ATP5F1B: variants seen among roughly 807,000 people sequenced by gnomAD.
ATP5F1B encodes the protein ATP synthase F(1) complex subunit beta, mitochondrial.
ATP5F1B carries 17 observed loss-of-function variants against 45.9 expected under a neutral mutation model. The ratio of observed to expected loss-of-function variants is 0.37; its 90% confidence interval spans 0.25 to 0.56. The LOEUF is 0.56. ATP5F1B is among the 20% of genes least tolerant of loss of function. The pLI, the probability that ATP5F1B is intolerant of heterozygous loss-of-function variation, is 0.80. For missense variants in ATP5F1B, 387 were observed against 673.2 expected (o/e 0.57, Z 4.70); for synonymous variants, 218 against 256.5 (o/e 0.85, Z 1.43).
intron 3 of ATP5F1B, 65 bp from the exon 4 acceptor site, chr12:56,644,023 ATCCC>A: frequency 1.9e-6 from 3 of 1,559,146 alleles, no homozygotes; most frequent in African/African-American, 1.4e-5. Context: ...AATCTTATAT[ATCCC>A]TCCCTATCAA....
chr12:56,644,925 T>C lies in ATP5F1B; in HGVS notation c.341A>G (p.Asp114Gly). 6.2e-7 allele frequency: 1 copy of C among 1,614,158 alleles called. No homozygotes were observed. Among genetic ancestry groups the C allele is most frequent in the Non-Finnish European group, 8.5e-7 (1 of 1,180,034 alleles). Residue 114 changes from aspartate (D) to glycine (G), a missense_variant, in exon 3 of 10, where the codon GAT becomes GGT. Physicochemically the swap from Asp to Gly is moderately conservative, Grantham distance 94 (BLOSUM62 -1). This residue lies in a region of ATP5F1B where 113 missense variants were observed against 168.0 expected (regional missense o/e 0.67). Coordinates refer to ENST00000262030, the MANE Select transcript of ATP5F1B (RefSeq NM_001686.4). ...GESTVRTIAMDGTEGLVRGQK... is the reference protein window; with the variant it reads ...GESTVRTIAMGGTEGLVRGQK... ...GCCTCTAACCAAGCCTTCTGTACCATCCATAGCAATAGTCCTTACTGTGCT... is the reference window on the plus strand; with the variant it reads ...GCCTCTAACCAAGCCTTCTGTACCACCCATAGCAATAGTCCTTACTGTGCT...
chr12:56,641,698 G>C (rs1398480648), intron 7 of ATP5F1B, among the ~76,000 whole-genome samples: 8 of 151,720 alleles, frequency 5.3e-5, no homozygotes, highest in Non-Finnish European at 1.0e-4. Flanking sequence ...CTACAGACAG[G>C]TGCCACCACG....
At position 56,642,572 on chromosome 12, in the gene ATP5F1B, T is replaced by C; in HGVS notation, c.960A>G (p.Ala320=). ...RFTQAGSEVS[A]LLGRIPSAVG... ...CAGCAGAAGGGATTCGGCCCAATAA[T>C]GCAGACACCTAAAAGAAAAAAAGGT... The change falls in exon 7 of 10, where the codon GCA becomes GCG. Residue 320 remains alanine (A), a synonymous_variant. Transcript: ENST00000262030. 1.2e-6 allele frequency: 2 copies of C among 1,614,090 alleles called. No homozygotes were observed. The highest frequency in any genetic ancestry group is 1.1e-5 in the South Asian group (1 of 91,080).
At chr12:56,638,627 G>A (rs1335443172) in intron 9 of ATP5F1B, among the ~76,000 whole-genome samples, 3 of 152,180 alleles carry the variant, frequency 2.0e-5, no homozygotes, top group Admixed American at 6.5e-5. Flanking sequence ...CAGGCACGGT[G>A]GCTTACACCT....
In ATP5F1B at chr12:56,642,551, A is replaced by G. The variant is rs1284794134; in HGVS notation, c.981T>C (p.Ser327=). ...CCAGGGTAGGCTGATAGCCCACAGC[A>G]GAAGGGATTCGGCCCAATAATGCAG... is the stretch of plus-strand genomic sequence containing the variant. ...EVSALLGRIP[S]AVGYQPTLAT... Residue 327 remains serine (S), a synonymous_variant, in exon 7 of 10, where the codon TCT becomes TCC. Coordinates refer to ENST00000262030, the MANE Select transcript of ATP5F1B (RefSeq NM_001686.4). The G allele has an allele frequency of 6.2e-7, 1 of 1,614,194 alleles. No homozygotes were observed.
At position 56,645,866 on chromosome 12, in the gene ATP5F1B, A is replaced by G; in HGVS notation, c.98T>C (p.Leu33Pro). Residue 33 changes from leucine (L) to proline (P), a missense_variant, in exon 1 of 10, where the codon CTG becomes CCG. Physicochemically the swap from Leu to Pro is moderately conservative, Grantham distance 98. Around this residue, in one of 6 missense-constraint regions of ATP5F1B, gnomAD observed 76 missense variants for 62.0 expected, o/e 1.23. Transcript: ENST00000262030. ...ATGGACCGCCGTCGGAGCGGCCCGC[A>G]GTAAGAGCTGAGCTGGGGGCAGCGA... The part of the protein sequence containing the change: ...SASLPPAQLL[L>P]RAAPTAVHPV... 6.2e-7 allele frequency: 1 copy of G among 1,609,636 alleles called. No homozygotes were observed. Among genetic ancestry groups the G allele is most frequent in the Non-Finnish European group, 8.5e-7 (1 of 1,178,208 alleles).
chr12:56,639,346 C>T lies in ATP5F1B; in HGVS notation c.1288-39G>A, dbSNP rs369157556. ...GAAGACTGAGTTAAGTATTCTCATTCCTTTAATTTGGACAAGCTAACAAAG... is the reference window on the plus strand; with the variant it reads ...GAAGACTGAGTTAAGTATTCTCATTTCTTTAATTTGGACAAGCTAACAAAG... On this transcript the variant is annotated intron_variant, in intron 8 of 9. Coordinates refer to ENST00000262030, the MANE Select transcript of ATP5F1B (RefSeq NM_001686.4). The T allele has an allele frequency of 4.4e-6, 7 of 1,585,184 alleles. No homozygotes were observed. In the South Asian group the frequency reaches 7.8e-5, roughly 18 times the overall value.
chr12:56,641,638 C>A (rs1477860472), intron 7 of ATP5F1B, among the ~76,000 whole-genome samples: 1 of 151,944 alleles, frequency 6.6e-6, no homozygotes, highest in African/African-American at 2.4e-5. Context: ...GCAACCTCCG[C>A]CTCCCAGGTT....
In ATP5F1B at chr12:56,643,466, G is replaced by C. The variant is rs775156305; in HGVS notation, c.729C>G (p.Gly243=). The C allele has an allele frequency of 3.8e-5, 62 of 1,614,032 alleles. No individual in the cohort carries two copies. The highest frequency in any genetic ancestry group is 5.3e-5 in the Non-Finnish European group (62 of 1,179,994). ...CAATCATTTCATGGTATAAATCATT[G>C]CCTTCACGGGTCCTCTCACCAACAC... ...FAGVGERTRE[G]NDLYHEMIES... The change falls in exon 5 of 10, where the codon GGC becomes GGG. Residue 243 remains glycine (G), a synonymous_variant. Coordinates refer to ENST00000262030, the MANE Select transcript of ATP5F1B (RefSeq NM_001686.4).
chr12:56,642,274 G>A (rs112996840), intron 7 of ATP5F1B, among the ~76,000 whole-genome samples, 184 bp downstream of exon 7: 2 of 151,078 alleles, frequency 1.3e-5, no homozygotes, highest in African/African-American at 4.9e-5. Flanking sequence ...GGTATTACAG[G>A]CATGAACCAC....
At chr12:56,642,885 TA>T (rs1196314797) in intron 5 of ATP5F1B, 54 bp from the exon 6 acceptor site, 1 of 1,583,516 alleles carries the variant, frequency 6.3e-7, no homozygotes, top group Non-Finnish European at 8.6e-7. Flanking sequence ...AGAAGCCACA[TA>T]CTGAAGGTTC....
Position 56,645,201 on chromosome 12 carries a change from T to C in ATP5F1B, c.280A>G (p.Arg94Gly). ...NALEVQGRET[R>G]LVLEVAQHLG... is the part of the protein sequence containing the mutation. ...TGCTGGGCCACCTCCAAAACCAGTCTGGTCTCCCTGCCTTGCACTTCCAGG... is the reference window on the plus strand; with the variant it reads ...TGCTGGGCCACCTCCAAAACCAGTCCGGTCTCCCTGCCTTGCACTTCCAGG... The change falls in exon 2 of 10, where the codon AGA (arginine) becomes GGA (glycine). Residue 94 changes from arginine to glycine, a missense_variant. Around this residue, in one of 6 missense-constraint regions of ATP5F1B, gnomAD observed 113 missense variants for 168.0 expected, o/e 0.67. Coordinates refer to ENST00000262030, the MANE Select transcript of ATP5F1B (RefSeq NM_001686.4). 1.9e-6 allele frequency: 3 copies of C among 1,614,208 alleles called. No individual in the cohort carries two copies. Among genetic ancestry groups the C allele is most frequent in the Non-Finnish European group, 1.7e-6 (2 of 1,179,994 alleles).
intron 7 of ATP5F1B, 101 bp from the exon 8 acceptor site, chr12:56,640,293 A>G (rs1010078188): frequency 1.1e-5 from 11 of 998,604 alleles, no homozygotes; most frequent in Admixed American, 4.9e-5. Flanking sequence ...CAGTGGTGCA[A>G]TCTCGGCTCA....
chr12:56,642,028 ACT>A (rs1023476429), intron 7 of ATP5F1B, among the ~76,000 whole-genome samples: 4 of 151,316 alleles, frequency 2.6e-5, no homozygotes, highest in East Asian at 2.0e-4. Flanking sequence ...GCAGAGTCTG[ACT>A]CTGTCACCCA....
intron 3 of ATP5F1B, 46 bp from the exon 4 acceptor site, chr12:56,644,004 G>T: frequency 1.9e-6 from 3 of 1,598,738 alleles, no homozygotes; most frequent in Non-Finnish European, 2.6e-6. Context: ...CTTGTTGAAA[G>T]CAAATGATAA....
Position 56,645,844 on chromosome 12 carries a change from G to A in ATP5F1B, c.120C>T (p.Val40=), listed in dbSNP as rs1455191856. 6.2e-7 allele frequency: 1 copy of A among 1,608,664 alleles called. No homozygotes were observed. Among genetic ancestry groups the A allele is most frequent in the South Asian group, 1.1e-5 (1 of 89,942 alleles). ...QLLLRAAPTA[V]HPVRDYAAQT... is the part of the protein sequence containing the mutation. Reference sequence around the variant, plus strand: ...CTAGAGAAAAGCACTTACCAGGATGGACCGCCGTCGGAGCGGCCCGCAGTA... The same window carrying A: ...CTAGAGAAAAGCACTTACCAGGATGAACCGCCGTCGGAGCGGCCCGCAGTA... The change falls in exon 1 of 10, where the codon GTC becomes GTT. Residue 40 remains valine (V), a synonymous_variant. Transcript: ENST00000262030.
Position 56,644,834 on chromosome 12 carries a change from G to A in ATP5F1B, c.432C>T (p.Ile144=), listed in dbSNP as rs374884855. ...CAATAGGTTCTCCAATGACATTCAT[G>A]ATTCTGCCCAAAGTCTCAGGACCAA... The part of the protein sequence containing the change: ...IPVGPETLGR[I]MNVIGEPIDE... The change falls in exon 3 of 10, where the codon ATC becomes ATT. Residue 144 remains isoleucine (I), a synonymous_variant. Transcript: ENST00000262030. The A allele has an allele frequency of 8.7e-6, 14 of 1,614,076 alleles. No homozygotes were observed. In the African/African-American group the frequency reaches 1.5e-4, roughly 17 times the overall value.
intron 7 of ATP5F1B, 27 bp downstream of exon 7, chr12:56,642,431 G>C (rs1212071411): frequency 6.2e-7 from 1 of 1,612,644 alleles, no homozygotes; most frequent in Non-Finnish European, 8.5e-7. Flanking sequence ...ATACAAATCA[G>C]ATCTTCATCT....
intron 3 of ATP5F1B, among the ~76,000 whole-genome samples, chr12:56,644,378 T>TG (rs906123916): frequency 3.0e-4 from 27 of 91,502 alleles, no homozygotes; most frequent in Middle Eastern, 5.1e-3. Flanking sequence ...GGGGCCGAGG[T>TG]GGGGGGGGAA....
Sources: gnomAD v4.1 joint callset for allele counts (sites outside exome capture counted in the v4.1 genomes callset) on GRCh38, gnomAD v4.1.1 for gene constraint, gnomAD v4.1.1 regional missense constraint, MANE v1.5 for transcripts, NCBI Gene and HGNC (gene_info 2026-07-23, HGNC 2026-07-21) for gene names.